VPS13C: variants seen among roughly 807,000 people sequenced by gnomAD.
VPS13C encodes the protein vacuolar protein sorting 13 homolog C, also known as intermembrane lipid transfer protein VPS13C.
VPS13C carries 358 observed loss-of-function variants against 456.8 expected under a neutral mutation model. That is an observed-to-expected ratio of 0.78 (90% CI 0.72 to 0.86). The LOEUF (loss-of-function observed/expected upper bound fraction) is 0.86. Among genes scored for constraint, VPS13C ranks in the 40% least tolerant of loss-of-function variants. VPS13C has a pLI of 0.00. For missense variants in VPS13C, 4,818 were observed against 4,385.4 expected (o/e 1.10, Z -2.79); for synonymous variants, 1,578 against 1,486.7 (o/e 1.06, Z -1.41).
At chr15:61,913,194 G>A in intron 62 of VPS13C, 117 bp downstream of exon 62, 1 of 884,972 alleles carries the variant, frequency 1.1e-6, no homozygotes, top group Non-Finnish European at 1.8e-6. Flanking sequence ...TATACCCAAA[G>A]GACTATAAAT....
intron 2 of VPS13C, among the ~76,000 whole-genome samples, chr15:62,042,841 A>G (rs1051221240): frequency 6.6e-6 from 1 of 151,932 alleles, no homozygotes; most frequent in African/African-American, 2.4e-5. Flanking sequence ...GGTGCAGCAC[A>G]CCAACATGGC....
Position 61,884,142 on chromosome 15 carries a change from C to G in VPS13C, c.9469G>C (p.Asp3157His). The change falls in exon 68 of 85, where the codon GAT (aspartate) becomes CAT (histidine). Residue 3157 changes from aspartate to histidine, a missense_variant. Physicochemically the swap from Asp to His is moderately conservative, Grantham distance 81. Coordinates refer to ENST00000644861, the MANE Select transcript of VPS13C (RefSeq NM_020821.3). The part of the protein sequence containing the change: ...ISRDHGWIKL[D>H]NNFEVNFDKD... Reference sequence around the variant, plus strand: ...TTTTGGTATACCTCAAAATTATTATCTAGCTTAATCCAGCCATGGTCTCTT... The same window carrying G: ...TTTTGGTATACCTCAAAATTATTATGTAGCTTAATCCAGCCATGGTCTCTT... The G allele has an allele frequency of 6.3e-7, 1 of 1,584,788 alleles. No homozygotes were observed. Among genetic ancestry groups the G allele is most frequent in the African/African-American group, 1.4e-5 (1 of 73,032 alleles).
At chr15:62,023,711 C>A in intron 7 of VPS13C, 69 bp downstream of exon 7, 1 of 1,412,188 alleles carries the variant, frequency 7.1e-7, no homozygotes, top group South Asian at 1.2e-5. Flanking sequence ...ATTCATTTCA[C>A]ATTCCAAATC....
chr15:62,028,729 C>T (rs1344928181), intron 5 of VPS13C, among the ~76,000 whole-genome samples: 1 of 152,016 alleles, frequency 6.6e-6, no homozygotes, highest in Admixed American at 6.6e-5. Flanking sequence ...TCAAACAGTG[C>T]AAAAATCCAC....
chr15:61,972,412 T>C (rs1477527251), intron 27 of VPS13C, among the ~76,000 whole-genome samples: 1 of 152,202 alleles, frequency 6.6e-6, no homozygotes, highest in Non-Finnish European at 1.5e-5. Context: ...CATTCTTACA[T>C]CAGTTTTTTT....
At position 62,010,460 on chromosome 15, in the gene VPS13C, C is replaced by T; in HGVS notation, c.1011+12G>A. 3 of 1,582,728 alleles carry T rather than the reference C, an allele frequency of 1.9e-6. No individual in the cohort carries two copies. The highest frequency in any genetic ancestry group is 2.6e-6 in the Non-Finnish European group (3 of 1,166,144). ...GGCTAATCAAAGCTGGAAATATCCA[C>T]ATGAATCATACCTGAGGTTTGGTCA... On this transcript the variant is annotated intron_variant, in intron 13 of 84. Coordinates refer to ENST00000644861, the MANE Select transcript of VPS13C (RefSeq NM_020821.3).
rs201625596 is a variant in VPS13C at position 61,934,368 on chromosome 15, G to A, written c.5756-37C>T. 6.8e-4 allele frequency: 787 copies of A among 1,150,758 alleles called. 2 individuals carry two copies. The African/African-American group carries it at 9.7e-3, about 14-fold the overall frequency. 71.3% of individuals were successfully genotyped at this position (1,150,758 alleles called of 1,614,324 possible). On this transcript the variant is annotated intron_variant, in intron 48 of 84. Coordinates refer to ENST00000644861, the MANE Select transcript of VPS13C (RefSeq NM_020821.3). ...AATTTAAAAGCTTTTAAGTAGGTAC[G>A]TAATTTTATAAATATTTTTAAATAT...
intron 59 of VPS13C, 46 bp from the exon 60 acceptor site, chr15:61,917,681 T>TA (rs768952497): frequency 1.1e-5 from 17 of 1,559,840 alleles, no homozygotes; most frequent in African/African-American, 6.9e-5. Flanking sequence ...ATCCACAACT[T>TA]AAAAAAAAGC....
At chr15:61,856,693 T>C (rs963660492) in intron 82 of VPS13C, 93 of 193,968 alleles carry the variant, frequency 4.8e-4, no homozygotes, top group African/African-American at 2.2e-3. Context: ...TTTTCTTTTT[T>C]TTTTTTTTTT....
intron 66 of VPS13C, among the ~76,000 whole-genome samples, chr15:61,903,953 C>G (rs1159184357): frequency 6.6e-6 from 1 of 152,090 alleles, no homozygotes. Flanking sequence ...AAACTAGACC[C>G]CTACCTCTTG....
At chr15:61,894,628 T>C (rs376308526) in intron 66 of VPS13C, among the ~76,000 whole-genome samples, 1 of 151,520 alleles carries the variant, frequency 6.6e-6, no homozygotes, top group South Asian at 2.1e-4. Context: ...AAGGCTAAGA[T>C]TACAAAAAGA....
intron 45 of VPS13C, among the ~76,000 whole-genome samples, chr15:61,944,068 G>T (rs2044523121): frequency 6.6e-6 from 1 of 152,100 alleles, no homozygotes; most frequent in Non-Finnish European, 1.5e-5. Context: ...TTAGAGAAAT[G>T]CAAATCAAAA....
chr15:61,864,773 T>G, intron 81 of VPS13C: 1 of 985,408 alleles, frequency 1.0e-6, no homozygotes, highest in Non-Finnish European at 1.2e-6. Context: ...GTTTCACAAT[T>G]CACTTGTGCG....
At chr15:61,879,613 G>C (rs138529471) in intron 73 of VPS13C, 2 of 151,942 alleles carry the variant, frequency 1.3e-5, no homozygotes, top group Non-Finnish European at 2.9e-5. Flanking sequence ...CTAAGAACAC[G>C]AATAGGTAAA....
chr15:61,860,100 A>G (rs1037160510), intron 82 of VPS13C, among the ~76,000 whole-genome samples: 1 of 152,170 alleles, frequency 6.6e-6, no homozygotes, highest in Non-Finnish European at 1.5e-5. Flanking sequence ...AAAAAGGGCT[A>G]ATATCATTAA....
chr15:61,860,270 A>G (rs913701508), intron 82 of VPS13C, among the ~76,000 whole-genome samples: 2 of 152,190 alleles, frequency 1.3e-5, no homozygotes, highest in Admixed American at 6.5e-5. Flanking sequence ...TGCTAATTAA[A>G]ACAAAAAATT....
chr15:62,004,204 T>A (rs2140475973), intron 15 of VPS13C, among the ~76,000 whole-genome samples: 1 of 151,662 alleles, frequency 6.6e-6, no homozygotes, highest in East Asian at 1.9e-4. Context: ...CAGATCCTGT[T>A]ATTGGTCTAT....
At chr15:61,962,936 G>A (rs1445580611) in intron 32 of VPS13C, 84 bp from the exon 33 acceptor site, 3 of 993,144 alleles carry the variant, frequency 3.0e-6, no homozygotes, top group South Asian at 2.9e-5. Flanking sequence ...TTTATTTTGG[G>A]GTGACTTTTT....
intron 29 of VPS13C, among the ~76,000 whole-genome samples, chr15:61,966,845 G>A (rs762733664): frequency 2.8e-4 from 43 of 151,834 alleles, no homozygotes; most frequent in Admixed American, 6.6e-4. Context: ...TATCCCAAGC[G>A]CCTAACAGTA....
Sources: allele counts gnomAD v4.1 joint callset (sites outside exome capture counted in the v4.1 genomes callset), GRCh38; gene constraint gnomAD v4.1.1; transcripts MANE v1.5; gene names NCBI Gene and HGNC (gene_info 2026-07-23, HGNC 2026-07-21).